Variants in ADAMTSL1 observed in about 807,000 individuals in gnomAD.
ADAMTSL1 encodes the protein ADAMTS like 1.
Under a neutral mutation model 201.8 loss-of-function variants are expected in ADAMTSL1, and 126 were observed. That is an observed-to-expected ratio of 0.62 (90% confidence interval 0.54 to 0.72). The LOEUF is 0.72. Ranked by LOEUF, ADAMTSL1 falls within the 30% of genes least tolerant of loss-of-function variation. The probability of loss-of-function intolerance (pLI) is 0.00; values close to 1 mark genes in which losing one functional copy is unlikely to be tolerated. For missense variants in ADAMTSL1, 2,679 were observed against 2,277.8 expected (o/e 1.18, Z -3.59); for synonymous variants, 1,121 against 903.4 (o/e 1.24, Z -4.32).
chr9:18,801,120 T>C (rs533013241), intron 20 of ADAMTSL1, among the ~76,000 whole-genome samples: 41 of 152,336 alleles, frequency 2.7e-4, no homozygotes, highest in South Asian at 8.3e-4. Context: ...GTAATATTTA[T>C]GCTGAAGGCG....
At chr9:18,021,425 GC>G (rs1189876505) in intron 1 of ADAMTSL1, among the ~76,000 whole-genome samples, 1 of 152,030 alleles carries the variant, frequency 6.6e-6, no homozygotes, top group Non-Finnish European at 1.5e-5. Context: ...GTAATTTGGG[GC>G]TGTCTGGAGA....
At chr9:18,573,939 T>C (rs1349886437) in intron 3 of ADAMTSL1, 91 bp from the exon 4 acceptor site, 3 of 975,824 alleles carry the variant, frequency 3.1e-6, no homozygotes, top group Non-Finnish European at 4.6e-6. Flanking sequence ...TTTTGCTTTC[T>C]AAGACCTAAG....
chr9:18,637,952 TCCTAGAAATATTTC>T (rs1431615209), intron 6 of ADAMTSL1, among the ~76,000 whole-genome samples: 1 of 152,154 alleles, frequency 6.6e-6, no homozygotes, highest in Non-Finnish European at 1.5e-5. Context: ...TTAATTGATG[TCCTAGAAATATTTC>T]TACAAGTGCC....
chr9:18,455,659 C>G (rs1820573755), intron 2 of ADAMTSL1, among the ~76,000 whole-genome samples: 1 of 152,100 alleles, frequency 6.6e-6, no homozygotes, highest in South Asian at 2.1e-4. Flanking sequence ...TTCAGCTGAT[C>G]TAAACAGATG....
chr9:18,031,395 C>T (rs1459184768), intron 1 of ADAMTSL1, among the ~76,000 whole-genome samples: 1 of 151,952 alleles, frequency 6.6e-6, no homozygotes, highest in Non-Finnish European at 1.5e-5. Flanking sequence ...TTTTTTCTGG[C>T]TGCTTTCAGA....
intron 4 of ADAMTSL1, among the ~76,000 whole-genome samples, chr9:18,586,406 A>G (rs1268284173): frequency 6.6e-6 from 1 of 152,156 alleles, no homozygotes; most frequent in Non-Finnish European, 1.5e-5. Flanking sequence ...AACTTTCTAC[A>G]ATAATAATTA....
At chr9:18,080,744 T>G (rs1190204223) in intron 1 of ADAMTSL1, among the ~76,000 whole-genome samples, 1 of 152,228 alleles carries the variant, frequency 6.6e-6, no homozygotes, top group African/African-American at 2.4e-5. Context: ...ACTAAGTGAT[T>G]TGCCTAAGTA....
intron 2 of ADAMTSL1, among the ~76,000 whole-genome samples, chr9:18,429,474 T>C (rs1270720201): frequency 6.6e-6 from 1 of 152,126 alleles, no homozygotes; most frequent in Non-Finnish European, 1.5e-5. Context: ...TCTAAGAGGT[T>C]AAATAAGTGA....
At chr9:18,216,279 T>C (rs1485824129) in intron 2 of ADAMTSL1, among the ~76,000 whole-genome samples, 1 of 152,230 alleles carries the variant, frequency 6.6e-6, no homozygotes, top group Non-Finnish European at 1.5e-5. Flanking sequence ...GACAAAGAGT[T>C]TGCCTTTAAT....
At chr9:18,558,781 G>A (rs542394231) in intron 3 of ADAMTSL1, among the ~76,000 whole-genome samples, 5 of 151,530 alleles carry the variant, frequency 3.3e-5, no homozygotes, top group East Asian at 3.9e-4. Context: ...GTTTTTTTTC[G>A]TATGTTTGTT....
chr9:18,767,861 G>C (rs1259595086), intron 16 of ADAMTSL1, among the ~76,000 whole-genome samples: 3 of 152,216 alleles, frequency 2.0e-5, no homozygotes, highest in African/African-American at 4.8e-5. Context: ...CCAGTTACTT[G>C]AATCATTAGC....
At position 18,548,393 on chromosome 9, in the gene ADAMTSL1, G is replaced by A. The variant is rs111949346; in HGVS notation, c.237+15101G>A. On this transcript the variant is annotated intron_variant, in intron 3 of 28. Coordinates refer to ENST00000380548, the MANE Select transcript of ADAMTSL1 (RefSeq NM_001040272.6). ...AAATGGCCCCGAAGCATATGCTGAA[G>A]CACTGTCTAGTGTTTGCAAGCTCAA... Among the ~76,000 whole-genome samples, 467 of 152,120 alleles carry A rather than the reference G, an allele frequency of 3.1e-3. 3 individuals carry two copies. Among genetic ancestry groups the A allele is most frequent in the African/African-American group, 0.01 (435 of 41,536 alleles).
At chr9:18,440,396 A>G (rs879690263) in intron 2 of ADAMTSL1, among the ~76,000 whole-genome samples, 28 of 151,766 alleles carry the variant, frequency 1.8e-4, no homozygotes, top group Non-Finnish European at 1.0e-4. Flanking sequence ...TAAATATAGG[A>G]CTCTATCTTA....
chr9:18,376,651 C>T (rs1370781280), intron 2 of ADAMTSL1, among the ~76,000 whole-genome samples: 1 of 150,988 alleles, frequency 6.6e-6, no homozygotes, highest in Non-Finnish European at 1.5e-5. Flanking sequence ...CTAAAAAATA[C>T]AAAAATTAGC....
At chr9:17,975,531 A>G (rs1031903703) in intron 1 of ADAMTSL1, among the ~76,000 whole-genome samples, 4 of 151,926 alleles carry the variant, frequency 2.6e-5, no homozygotes, top group African/African-American at 7.3e-5. Context: ...CAAAGGCCCC[A>G]CCTCTTCATA....
intron 12 of ADAMTSL1, among the ~76,000 whole-genome samples, chr9:18,683,380 G>A (rs144286741): frequency 0.021 from 3,227 of 150,708 alleles, 50 homozygotes; most frequent in Middle Eastern, 0.037. Context: ...GCATGCTGCC[G>A]TGCCCAGCTA....
At position 18,411,157 on chromosome 9, in the gene ADAMTSL1, C is replaced by T. The variant is rs1353629602; in HGVS notation, c.208-93672C>T. On this transcript the variant is annotated intron_variant, in intron 2 of 29. Transcript: ENST00000680146. ...GATTTCAGGCGTGAGCCACTGCACC[C>T]AGCCCTTTATTTATTTATTTATTTA... Among the ~76,000 whole-genome samples the T allele has an allele frequency of 4.4e-5, 6 of 137,378 alleles. No homozygotes were observed. The South Asian group carries it at 1.1e-3, about 26-fold the overall frequency. The allele number at this position is 137,378 out of a possible 152,430, so 90.1% of individuals were successfully genotyped here. A position where few individuals can be genotyped will look rare whatever the true frequency, so the allele number is the denominator to read the frequency against.
chr9:18,035,505 T>C (rs1440717480), intron 1 of ADAMTSL1, among the ~76,000 whole-genome samples: 1 of 152,210 alleles, frequency 6.6e-6, no homozygotes, highest in Admixed American at 6.5e-5. Flanking sequence ...GCATGTTTTC[T>C]CTTCAGATAC....
chr9:18,177,569 C>A (rs1156426624), intron 2 of ADAMTSL1, among the ~76,000 whole-genome samples: 4 of 152,174 alleles, frequency 2.6e-5, no homozygotes, highest in Admixed American at 6.5e-5. Flanking sequence ...GCTTATTCTA[C>A]TTTCCTTCTA....
Sources: gnomAD v4.1 joint callset for allele counts (sites outside exome capture counted in the v4.1 genomes callset) on GRCh38, gnomAD v4.1.1 for gene constraint, MANE v1.5 for transcripts, NCBI Gene and HGNC (gene_info 2026-07-23, HGNC 2026-07-21) for gene names.